Variants in PBX3 observed in about 807,000 individuals in gnomAD.
The protein encoded by PBX3 is pre-B-cell leukemia transcription factor 3.
A neutral mutation model predicts 48.5 loss-of-function variants in PBX3; 14 were observed. The observed-to-expected ratio is 0.29, with a 90% CI of 0.19 to 0.45. The LOEUF (loss-of-function observed/expected upper bound fraction) is 0.45, where lower values mean the gene tolerates loss of function less well. Among genes scored for constraint, PBX3 ranks in the 20% least tolerant of loss-of-function variants. PBX3 has a pLI of 1.00. For synonymous variants in PBX3, 210 were observed against 200.3 expected (o/e 1.05, Z -0.41); for missense variants, 386 against 546.7 (o/e 0.71, Z 2.93).
chr9:125,949,308 G>C, intron 5 of PBX3: 1 of 1,545,464 alleles, frequency 6.5e-7, no homozygotes, highest in Non-Finnish European at 8.7e-7. Flanking sequence ...ACAGGGCCTG[G>C]CATCTCAGGA....
chr9:125,855,613 G>GGC (rs1238116460), intron 2 of PBX3, among the ~76,000 whole-genome samples: 1 of 151,896 alleles, frequency 6.6e-6, no homozygotes, highest in Non-Finnish European at 1.5e-5. Context: ...CTTTTGCTAG[G>GGC]GCACATTATT....
At chr9:125,926,050 T>A (rs1373506648) in intron 3 of PBX3, among the ~76,000 whole-genome samples, 1 of 152,248 alleles carries the variant, frequency 6.6e-6, no homozygotes, top group Non-Finnish European at 1.5e-5. Flanking sequence ...TTTGGAATAG[T>A]TCTACTTCAA....
At chr9:125,868,781 C>T (rs1396809988) in intron 2 of PBX3, among the ~76,000 whole-genome samples, 1 of 152,032 alleles carries the variant, frequency 6.6e-6, no homozygotes, top group African/African-American at 2.4e-5. Context: ...TCCTTATGGC[C>T]CAAGAAGGTT....
chr9:125,833,578 T>C (rs1288208940), intron 2 of PBX3, among the ~76,000 whole-genome samples: 1 of 152,200 alleles, frequency 6.6e-6, no homozygotes, highest in Non-Finnish European at 1.5e-5. Flanking sequence ...ACTTGAAGAT[T>C]AGTAAAACTT....
At chr9:125,871,736 A>G (rs1840130706) in intron 2 of PBX3, among the ~76,000 whole-genome samples, 1 of 152,224 alleles carries the variant, frequency 6.6e-6, no homozygotes, top group African/African-American at 2.4e-5. Context: ...TAAATATATT[A>G]CAATTAGTTT....
chr9:125,862,608 A>G (rs1437495083), intron 2 of PBX3, among the ~76,000 whole-genome samples: 1 of 152,074 alleles, frequency 6.6e-6, no homozygotes, highest in Admixed American at 6.5e-5. Flanking sequence ...GATGATCTCG[A>G]TCTCCTGACC....
intron 2 of PBX3, among the ~76,000 whole-genome samples, chr9:125,889,017 A>G (rs1411000700): frequency 6.6e-6 from 1 of 152,192 alleles, no homozygotes; most frequent in African/African-American, 2.4e-5. Flanking sequence ...ACTTTTAGGT[A>G]TTCTCACCCA....
At chr9:125,859,595 C>G (rs1316143463) in intron 2 of PBX3, among the ~76,000 whole-genome samples, 1 of 152,138 alleles carries the variant, frequency 6.6e-6, no homozygotes, top group Non-Finnish European at 1.5e-5. Flanking sequence ...AGCCAGTAAG[C>G]AGCTGAGCTG....
chr9:125,823,642 A>AAAAG (rs968404798), intron 2 of PBX3, among the ~76,000 whole-genome samples: 1 of 152,148 alleles, frequency 6.6e-6, no homozygotes, highest in East Asian at 1.9e-4. Context: ...CTTTTTTAAA[A>AAAAG]AAAGAAAGAA....
chr9:125,949,155 A>G (rs1842133496), intron 5 of PBX3, among the ~76,000 whole-genome samples: 1 of 152,128 alleles, frequency 6.6e-6, no homozygotes. Flanking sequence ...AGTCACTCAG[A>G]CTCTGCTCCA....
chr9:125,772,181 A>G (rs1836957377), intron 2 of PBX3, among the ~76,000 whole-genome samples: 1 of 152,180 alleles, frequency 6.6e-6, no homozygotes, highest in Admixed American at 6.5e-5. Flanking sequence ...GCACACTAAA[A>G]TGCTTATTAT....
intron 1 of PBX3, chr9:125,748,324 G>T: frequency 1.6e-6 from 2 of 1,213,296 alleles, no homozygotes; most frequent in African/African-American, 1.6e-5. Flanking sequence ...CGAGGCTGCT[G>T]CCTGCCGGGC....
At chr9:125,793,073 C>T (rs968781756) in intron 2 of PBX3, among the ~76,000 whole-genome samples, 8 of 151,684 alleles carry the variant, frequency 5.3e-5, no homozygotes, top group African/African-American at 1.5e-4. Flanking sequence ...AATATATTGG[C>T]CAGGTACGGT....
At chr9:125,943,570 A>C (rs937282330) in intron 5 of PBX3, among the ~76,000 whole-genome samples, 93 of 151,704 alleles carry the variant, frequency 6.1e-4, no homozygotes, top group African/African-American at 2.3e-3. Context: ...TTCTCATGCT[A>C]GTCTCAGCAC....
intron 2 of PBX3, among the ~76,000 whole-genome samples, chr9:125,905,011 G>A (rs182600332): frequency 1.7e-3 from 255 of 151,872 alleles, no homozygotes; most frequent in African/African-American, 5.4e-3. Context: ...GTCTCTTTAG[G>A]TAATTTTGAA....
Position 125,813,405 on chromosome 9 carries a change from T to C in PBX3, c.274+64782T>C, listed in dbSNP as rs140077188. 4.5e-4 allele frequency among the ~76,000 whole-genome samples: 69 copies of C among 152,344 alleles called. No homozygotes were observed. In the East Asian group the frequency reaches 0.013, roughly 28 times the overall value. On this transcript the variant is annotated intron_variant, in intron 2 of 8. Transcript: ENST00000373489. ...CTTTATAATCTTATGAAACCATCATTGTATATGTGGTCCATGGTTGACCAA... is the reference window on the plus strand; with the variant it reads ...CTTTATAATCTTATGAAACCATCATCGTATATGTGGTCCATGGTTGACCAA...
At chr9:125,879,109 ACT>A (rs1294686122) in intron 2 of PBX3, among the ~76,000 whole-genome samples, 3 of 126,182 alleles carry the variant, frequency 2.4e-5, no homozygotes, top group East Asian at 2.3e-4. Flanking sequence ...ATGGAGTCTC[ACT>A]CTGTCGCCCA....
At chr9:125,789,487 TC>T (rs1356325630) in intron 2 of PBX3, among the ~76,000 whole-genome samples, 4 of 152,218 alleles carry the variant, frequency 2.6e-5, no homozygotes. Flanking sequence ...CATCAGTTCT[TC>T]CCTACTTGGG....
chr9:125,793,212 C>T (rs1447133550), intron 2 of PBX3, among the ~76,000 whole-genome samples: 2 of 149,728 alleles, frequency 1.3e-5, no homozygotes, highest in Admixed American at 6.6e-5. Context: ...ATTAGCCAGG[C>T]GTGGTGGTGG....
Sources: gnomAD v4.1 joint callset for allele counts (sites outside exome capture counted in the v4.1 genomes callset) on GRCh38, gnomAD v4.1.1 for gene constraint, MANE v1.5 for transcripts, NCBI Gene and HGNC (gene_info 2026-07-23, HGNC 2026-07-21) for gene names.